OTX1: variants seen among roughly 807,000 people sequenced by gnomAD.
OTX1 encodes orthodenticle homeobox 1.
Under a neutral mutation model 26.7 loss-of-function variants are expected in OTX1, and 7 were observed. That is an observed-to-expected ratio of 0.26 (90% CI 0.15 to 0.49). The LOEUF (loss-of-function observed/expected upper bound fraction) is 0.49. Ranked by LOEUF, OTX1 falls within the 20% of genes least tolerant of loss-of-function variation. OTX1 has a pLI of 0.98. For synonymous variants in OTX1, 216 were observed against 212.8 expected, an observed-to-expected ratio of 1.01 and a Z score of -0.13; for missense variants, 414 against 483.8, an observed-to-expected ratio of 0.86 and a Z score of 1.35.
rs764618379 is a variant in OTX1, at chr2:63,055,876, T to G, written c.625T>G (p.Ser209Ala). ...APSNTSCMQR[S>A]VAAGAATAAA... ...TAGCAACACCTCGTGTATGCAGCGC[T>G]CCGTAGCTGCAGGCGCCGCCACCGC... Residue 209 changes from serine (S) to alanine (A), a missense_variant, in exon 5 of 5, where the codon TCC becomes GCC. This residue lies in a region of OTX1 where 320 missense variants were observed against 347.9 expected (regional missense o/e 0.92). Transcript: ENST00000282549. This position sits in a 1 kb window ranked among gnomAD's most constrained non-coding sequence, Gnocchi z 5.2. 2 of 1,612,096 alleles carry G rather than the reference T, an allele frequency of 1.2e-6. No homozygotes were observed. The highest frequency in any genetic ancestry group is 1.7e-6 in the Non-Finnish European group (2 of 1,179,874).
At position 63,055,470 on chromosome 2, in the gene OTX1, G is replaced by A; in HGVS notation, c.250-31G>A. On this transcript the variant is annotated intron_variant, in intron 4 of 4. Transcript: ENST00000282549. This position sits in a 1 kb window ranked among gnomAD's most constrained non-coding sequence, Gnocchi z 5.2. Reference sequence around the variant, plus strand: ...GCAACAAGCTCCCCTAGCTCCCTTTGACCCACTCTCCCCCATCCGGCCCAC... The same window carrying A: ...GCAACAAGCTCCCCTAGCTCCCTTTAACCCACTCTCCCCCATCCGGCCCAC... The A allele has an allele frequency of 6.3e-7, 1 of 1,592,826 alleles. No individual in the cohort carries two copies. The highest frequency in any genetic ancestry group is 1.9e-4 in the Middle Eastern group (1 of 5,210).
chr2:63,054,795 C>G (rs974844171), intron 4 of OTX1, among the ~76,000 whole-genome samples: 3 of 152,218 alleles, frequency 2.0e-5, no homozygotes, highest in African/African-American at 4.8e-5. Flanking sequence ...AGAGTCTCGC[C>G]TCCTTTACTC....
At chr2:63,053,815 A>G (rs768539328) in intron 3 of OTX1, 34 of 559,084 alleles carry the variant, frequency 6.1e-5, no homozygotes, top group Non-Finnish European at 1.0e-4. Flanking sequence ...TCTGAGAGGC[A>G]TAGAGAGGGG....
At chr2:63,052,700 C>G (rs2062034450) in intron 2 of OTX1, among the ~76,000 whole-genome samples, 180 bp from the exon 3 acceptor site, 1 of 152,202 alleles carries the variant, frequency 6.6e-6, no homozygotes, top group Non-Finnish European at 1.5e-5. Flanking sequence ...AACCCTAGAG[C>G]CAGACGACCC....
Position 63,056,359 on chromosome 2 carries a change from C to T in OTX1, c.*43C>T. ...GAGAAGAAACGCAACTACCTGCGCC[C>T]TCCGTGGTCCCGATCCTGTTGCTGC... On this transcript the variant is annotated 3_prime_UTR_variant, in exon 5 of 5. Transcript: ENST00000282549. 2.0e-6 allele frequency: 3 copies of T among 1,527,214 alleles called. No homozygotes were observed. 94.6% of individuals were successfully genotyped at this position (1,527,214 alleles called of 1,614,324 possible). A position where few individuals can be genotyped will look rare whatever the true frequency, so the allele number is the denominator to read the frequency against.
Position 63,056,256 on chromosome 2 carries a change from C to A in OTX1, c.1005C>A (p.Phe335Leu). The change falls in exon 5 of 5, where the codon TTC (phenylalanine) becomes TTA (leucine). Residue 335 changes from phenylalanine (F) to leucine (L), a missense_variant. Transcript: ENST00000282549. ...CTTCCTCCGCCTGGAAACTCAACTT[C>A]AACTCCCCCGACTGTCTGGACTATA... ...AAASSAWKLN[F>L]NSPDCLDYKD... 1 of 1,614,138 alleles carries A rather than the reference C, an allele frequency of 6.2e-7. No homozygotes were observed. The highest frequency in any genetic ancestry group is 8.5e-7 in the Non-Finnish European group (1 of 1,180,030).
upstream of OTX1, among the ~76,000 whole-genome samples, chr2:63,049,824 G>GT (rs1179403704): frequency 7.9e-5 from 12 of 152,370 alleles, no homozygotes; most frequent in Non-Finnish European, 1.3e-4. This position sits in a 1 kb window ranked among gnomAD's most constrained non-coding sequence, Gnocchi z 4.8. Flanking sequence ...TGTTTGGGAA[G>GT]TTTTTTCGGG....
At position 63,056,356 on chromosome 2, in the gene OTX1, G is replaced by T; in HGVS notation, c.*40G>T. The T allele has an allele frequency of 6.5e-7, 1 of 1,536,316 alleles. No individual in the cohort carries two copies. The highest frequency in any genetic ancestry group is 8.9e-7 in the Non-Finnish European group (1 of 1,123,114). ...GAGGAGAAGAAACGCAACTACCTGC[G>T]CCCTCCGTGGTCCCGATCCTGTTGC... On this transcript the variant is annotated 3_prime_UTR_variant, in exon 5 of 5. Coordinates refer to ENST00000282549, the MANE Select transcript of OTX1 (RefSeq NM_014562.4).
In OTX1 at chr2:63,055,817, C is replaced by T; in HGVS notation, c.566C>T (p.Ala189Val). The stretch of plus-strand genomic sequence containing the variant: ...TCCATCTCGCCAGGCTCAGCGCCCG[C>T]GTCCGTGTCGGTGCCGGAGCCATTG... ...PASISPGSAP[A>V]SVSVPEPLAA... is the part of the protein sequence containing the mutation. The change falls in exon 5 of 5, where the codon GCG becomes GTG. Residue 189 changes from alanine (A) to valine (V), a missense_variant. By Grantham distance (64) the Ala-to-Val change is moderately conservative (BLOSUM62 0). Transcript: ENST00000282549. This position sits in a 1 kb window ranked among gnomAD's most constrained non-coding sequence, Gnocchi z 5.2. 1 of 1,612,178 alleles carries T rather than the reference C, an allele frequency of 6.2e-7. No homozygotes were observed. Among genetic ancestry groups the T allele is most frequent in the Non-Finnish European group, 8.5e-7 (1 of 1,179,736 alleles).
chr2:63,055,935 C>G lies in OTX1; in HGVS notation c.684C>G (p.Gly228=), dbSNP rs762703625. ...CTTATCCCATGTCCTACGGCCAGGG[C>G]GGCAGCTACGGCCAAGGCTACCCTA... The part of the protein sequence containing the change: ...AASYPMSYGQ[G]GSYGQGYPTP... Residue 228 remains glycine (G), a synonymous_variant, in exon 5 of 5, where the codon GGC becomes GGG. Coordinates refer to ENST00000282549, the MANE Select transcript of OTX1 (RefSeq NM_014562.4). The surrounding 1 kb of genome is among the most constrained non-coding windows in gnomAD (Gnocchi z 5.2). 1.2e-6 allele frequency: 2 copies of G among 1,612,802 alleles called. No homozygotes were observed. Among genetic ancestry groups the G allele is most frequent in the Non-Finnish European group, 1.7e-6 (2 of 1,180,022 alleles).
At chr2:63,050,254 A>G (rs1459602386), upstream of OTX1, 5 of 152,096 alleles carry the variant, frequency 3.3e-5, no homozygotes, top group South Asian at 2.1e-4. Context: ...GCGCTCTGCA[A>G]AGTAGCCTGC....
rs1032645182 is a variant in OTX1, at chr2:63,054,183, G to A, written c.234G>A (p.Pro78=). The part of the protein sequence containing the change: ...REEVALKINL[P]ESRVQVWFKN... ...AGGTGGCGCTCAAGATCAACCTGCC[G>A]GAGTCTAGAGTCCAGGTGCGCACTC... is the stretch of plus-strand genomic sequence containing the variant. Residue 78 remains proline, a synonymous_variant, in exon 4 of 5, where the codon CCG becomes CCA. Transcript: ENST00000282549. 2 of 1,602,580 alleles carry A rather than the reference G, an allele frequency of 1.2e-6. No individual in the cohort carries two copies. Among genetic ancestry groups the A allele is most frequent in the African/African-American group, 1.3e-5 (1 of 74,826 alleles).
chr2:63,052,833 C>T (rs1360874703), intron 2 of OTX1, 47 bp from the exon 3 acceptor site: 1 of 569,548 alleles, frequency 1.8e-6, no homozygotes, highest in Admixed American at 3.5e-5. Flanking sequence ...GACTTGGCAG[C>T]CAAGTGGCTC....
chr2:63,055,418 C>T lies in OTX1; in HGVS notation c.250-83C>T, dbSNP rs1184806982. On this transcript the variant is annotated intron_variant, in intron 4 of 4. Coordinates refer to ENST00000282549, the MANE Select transcript of OTX1 (RefSeq NM_014562.4). The surrounding 1 kb of genome is among the most constrained non-coding windows in gnomAD (Gnocchi z 5.2). ...GAGAAAGGATTGCGATATTCTGGAC[C>T]GGGAGTTGGGTCCGCGGGGCGGTGG... is the stretch of plus-strand genomic sequence containing the variant. The T allele has an allele frequency of 1.2e-5, 17 of 1,421,198 alleles. No homozygotes were observed. Among genetic ancestry groups the T allele is most frequent in the Middle Eastern group, 5.1e-4 (2 of 3,948 alleles). 88.0% of individuals were successfully genotyped at this position (1,421,198 alleles called of 1,614,324 possible). A position where few individuals can be genotyped will look rare whatever the true frequency, so the allele number is the denominator to read the frequency against.
rs1482437559 is a variant in OTX1, at chr2:63,056,335, A to G, written c.*19A>G. The G allele has an allele frequency of 3.8e-6, 6 of 1,591,754 alleles. No homozygotes were observed. Among genetic ancestry groups the G allele is most frequent in the Non-Finnish European group, 5.1e-6 (6 of 1,165,366 alleles). On this transcript the variant is annotated 3_prime_UTR_variant, in exon 5 of 5. Transcript: ENST00000282549. The stretch of plus-strand genomic sequence containing the variant: ...CTTGTGAGCCCAGGAATGAAAGAGG[A>G]GAAGAAACGCAACTACCTGCGCCCT...
Position 63,055,390 on chromosome 2 carries a change from G to A in OTX1, c.250-111G>A, listed in dbSNP as rs887965066. On this transcript the variant is annotated intron_variant, in intron 4 of 4. Transcript: ENST00000282549. The surrounding 1 kb of genome is among the most constrained non-coding windows in gnomAD (Gnocchi z 5.2). ...AGAGACAGGAAGGGGCGGAGGCCTC[G>A]GTGAGAAAGGATTGCGATATTCTGG... The A allele has an allele frequency of 1.7e-6, 2 of 1,208,520 alleles. No homozygotes were observed. Among genetic ancestry groups the A allele is most frequent in the Non-Finnish European group, 2.3e-6 (2 of 870,522 alleles). The allele number at this position is 1,208,520 out of a possible 1,614,324, so 74.9% of individuals were successfully genotyped here.
rs138715032 is a variant in OTX1, at chr2:63,054,159, G to C, written c.210G>C (p.Glu70Asp). 68 of 1,609,924 alleles carry C rather than the reference G, an allele frequency of 4.2e-5. No homozygotes were observed. The highest frequency in any genetic ancestry group is 5.4e-5 in the Non-Finnish European group (64 of 1,177,926). Residue 70 changes from glutamate (E) to aspartate (D), a missense_variant, in exon 4 of 5, where the codon GAG becomes GAC. Transcript: ENST00000282549. Reference sequence around the variant, plus strand: ...ACCCTGACATCTTCATGCGGGAGGAGGTGGCGCTCAAGATCAACCTGCCGG... The same window carrying C: ...ACCCTGACATCTTCATGCGGGAGGACGTGGCGCTCAAGATCAACCTGCCGG... ...TRYPDIFMRE[E>D]VALKINLPES...
In OTX1 at chr2:63,057,222, C is replaced by G. The variant is rs1038622348; in HGVS notation, c.*906C>G. 4 of 152,152 alleles carry G rather than the reference C, an allele frequency of 2.6e-5. No homozygotes were observed. Among genetic ancestry groups the G allele is most frequent in the African/African-American group, 9.7e-5 (4 of 41,394 alleles). The allele number at this position is 152,152 out of a possible 1,614,324, so 9.4% of individuals were successfully genotyped here. ...TCTGTCCGTCCCCCTTCTGCTCTTC[C>G]TCAATCAATGGCGCTTTTTCTTTTT... On this transcript the variant is annotated 3_prime_UTR_variant, in exon 5 of 5. Coordinates refer to ENST00000282549, the MANE Select transcript of OTX1 (RefSeq NM_014562.4).
chr2:63,056,430 TCA>T lies in OTX1; in HGVS notation c.*116_*117del. 1.0e-6 allele frequency: 1 copy of T among 967,014 alleles called. No homozygotes were observed. 59.9% of individuals were successfully genotyped at this position (967,014 alleles called of 1,614,324 possible). On this transcript the variant is annotated 3_prime_UTR_variant, in exon 5 of 5. Coordinates refer to ENST00000282549, the MANE Select transcript of OTX1 (RefSeq NM_014562.4). ...CCTCGTCTTCTCCAAAACTGAATTT[TCA>T]CCCCCCAAAAAGATGTCCATTGCCT... is the stretch of plus-strand genomic sequence containing the variant.
Sources: gnomAD v4.1 joint callset for allele counts (sites outside exome capture counted in the v4.1 genomes callset) on GRCh38, gnomAD v4.1.1 for gene constraint, gnomAD v4.1.1 regional missense constraint, Gnocchi (gnomAD v3.1) non-coding constraint, MANE v1.5 for transcripts, NCBI Gene and HGNC (gene_info 2026-07-23, HGNC 2026-07-21) for gene names.